The following ANK2 variants were observed in gnomAD, a reference collection of about 807,000 sequenced individuals.
ANK2 encodes ankyrin 2.
A neutral mutation model predicts 360.5 loss-of-function variants in ANK2; 83 were observed. The observed-to-expected ratio is 0.23, with a 90% CI of 0.19 to 0.28. The LOEUF (loss-of-function observed/expected upper bound fraction) is 0.28, where lower values mean the gene tolerates loss of function less well. Among genes scored for constraint, ANK2 ranks in the 10% least tolerant of loss-of-function variants. The pLI is 1.00. For synonymous variants in ANK2, 1,740 were observed against 1,759.5 expected, an observed-to-expected ratio of 0.99 and a Z score of 0.28; for missense variants, 4,201 against 4,795.7, an observed-to-expected ratio of 0.88 and a Z score of 3.66.
chr4:112,796,865 A>T, the ANK2 span, among the ~76,000 whole-genome samples: 11 of 152,234 alleles, frequency 7.2e-5, no homozygotes, highest in African/African-American at 2.7e-4. Flanking sequence ...ATTATTATAT[A>T]TCCAACTCTT....
chr4:112,886,834 A>G (rs954872339), intron 1 of ANK2, among the ~76,000 whole-genome samples: 12 of 152,348 alleles, frequency 7.9e-5, no homozygotes, highest in Admixed American at 4.6e-4. Context: ...CATGTTCACC[A>G]TATGATAAAA....
At chr4:113,268,268 C>A (rs112983133) in intron 14 of ANK2, among the ~76,000 whole-genome samples, 7,285 of 152,196 alleles carry the variant, frequency 0.048, 583 homozygotes, top group African/African-American at 0.17. Flanking sequence ...ATTGCCCTGG[C>A]TAGAACTTCC....
chr4:113,236,962 C>A (rs1334091163), intron 5 of ANK2, 25 bp from the exon 6 acceptor site: 4 of 1,612,752 alleles, frequency 2.5e-6, no homozygotes, highest in Non-Finnish European at 3.4e-6. Context: ...TGTTAACAGA[C>A]AATTTTTACC....
intron 1 of ANK2, among the ~76,000 whole-genome samples, chr4:113,162,287 C>T (rs1029650918): frequency 6.6e-6 from 1 of 151,960 alleles, no homozygotes. Flanking sequence ...TCATCACATG[C>T]TAGAGTGGTA....
At chr4:113,173,448 CT>C in intron 1 of ANK2, among the ~76,000 whole-genome samples, 1 of 152,246 alleles carries the variant, frequency 6.6e-6, no homozygotes, top group East Asian at 1.9e-4. Flanking sequence ...AATTGTGTCC[CT>C]TTTCATGCCT....
In ANK2 at chr4:113,353,684, G is replaced by C; in HGVS notation, c.5066G>C (p.Ser1689Thr). The change falls in exon 38 of 46, where the codon AGT becomes ACT. Residue 1689 changes from serine (S) to threonine (T), a missense_variant. Around this residue, in one of 4 missense-constraint regions of ANK2, gnomAD observed 2,642 missense variants for 2,714.5 expected, o/e 0.97. Transcript: ENST00000357077. ...GKDIPPDETQSTQKQHKPSLG... is the reference protein window; with the variant it reads ...GKDIPPDETQTTQKQHKPSLG... ...GACATACCCCCAGATGAGACACAGA[G>C]TACACAGAAACAGCACAAACCAAGC... The C allele has an allele frequency of 6.2e-7, 1 of 1,613,892 alleles. No individual in the cohort carries two copies.
chr4:113,224,129 C>T (rs2099186361), intron 4 of ANK2, among the ~76,000 whole-genome samples: 1 of 152,196 alleles, frequency 6.6e-6, no homozygotes, highest in African/African-American at 2.4e-5. Flanking sequence ...ACCATCAATT[C>T]TGCCATCATC....
intron 1 of ANK2, among the ~76,000 whole-genome samples, chr4:112,899,010 C>G (rs1212288464): frequency 2.0e-5 from 3 of 152,104 alleles, no homozygotes; most frequent in Non-Finnish European, 4.4e-5. Flanking sequence ...ATTTCTAACA[C>G]CTCACTTAGG....
chr4:113,131,033 A>G (rs997326106), intron 1 of ANK2, among the ~76,000 whole-genome samples: 4 of 152,204 alleles, frequency 2.6e-5, no homozygotes, highest in Non-Finnish European at 5.9e-5. Context: ...TACCATTTCT[A>G]TTTAAATGTT....
chr4:113,366,843 A>G (rs1363450890), intron 41 of ANK2, among the ~76,000 whole-genome samples: 2 of 152,178 alleles, frequency 1.3e-5, no homozygotes, highest in African/African-American at 4.8e-5. Flanking sequence ...TGGGGACGGA[A>G]GCTTTTTATA....
At chr4:113,136,761 CTTT>C (rs112865867) in intron 1 of ANK2, among the ~76,000 whole-genome samples, 1 of 139,752 alleles carries the variant, frequency 7.2e-6, no homozygotes. Context: ...AGGATTTTGG[CTTT>C]TTTTTTTTTT....
chr4:112,826,506 G>A (rs2058435809), intron 1 of ANK2: 2 of 1,210,746 alleles, frequency 1.7e-6, no homozygotes, highest in South Asian at 2.5e-5. Flanking sequence ...GACCACATCT[G>A]ACAAGCCTGT....
chr4:112,744,409 C>T, the ANK2 span, among the ~76,000 whole-genome samples: 2 of 149,970 alleles, frequency 1.3e-5, no homozygotes, highest in South Asian at 2.1e-4. Context: ...TGCAGTGGCA[C>T]GACCTCGGCT....
intron 2 of ANK2, among the ~76,000 whole-genome samples, chr4:113,036,278 C>G (rs1198707916): frequency 6.6e-6 from 1 of 150,876 alleles, no homozygotes; most frequent in African/African-American, 2.4e-5. Context: ...AGAAAATTAT[C>G]TAGGAGTTTA....
intron 1 of ANK2, among the ~76,000 whole-genome samples, chr4:113,153,014 T>G (rs72673439): frequency 0.05 from 7,581 of 152,296 alleles, 226 homozygotes; most frequent in Non-Finnish European, 0.075. Flanking sequence ...TGTGTAATAG[T>G]AGAGATTATA....
intron 1 of ANK2, among the ~76,000 whole-genome samples, chr4:113,072,767 C>CTTTTTTTTTTTTTTTTTTTTT (rs1253934277): frequency 3.7e-5 from 1 of 27,246 alleles, no homozygotes; most frequent in African/African-American, 9.2e-5. Context: ...TTTTTTTTTG[C>CTTTTTTTTTTTTTTTTTTTTT]TGTCTTGTCT....
At chr4:113,267,820 AATCT>A (rs1409458813) in intron 14 of ANK2, among the ~76,000 whole-genome samples, 5 of 152,162 alleles carry the variant, frequency 3.3e-5, no homozygotes, top group African/African-American at 1.2e-4. Flanking sequence ...GATAGCATTG[AATCT>A]ATAAATTTCT....
chr4:112,848,541 C>T (rs962372780), intron 1 of ANK2, among the ~76,000 whole-genome samples: 1 of 152,228 alleles, frequency 6.6e-6, no homozygotes, highest in Non-Finnish European at 1.5e-5. Flanking sequence ...CCTTCCTTCT[C>T]CTTCTCAAAC....
At chr4:113,159,923 A>G (rs1254107534) in intron 1 of ANK2, among the ~76,000 whole-genome samples, 2 of 152,074 alleles carry the variant, frequency 1.3e-5, no homozygotes, top group African/African-American at 4.8e-5. Context: ...CACCTGGCCT[A>G]TAGTTTATTT....
Sources: gnomAD v4.1 joint callset for allele counts (sites outside exome capture counted in the v4.1 genomes callset) on GRCh38, gnomAD v4.1.1 for gene constraint, gnomAD v4.1.1 regional missense constraint, MANE v1.5 for transcripts, NCBI Gene and HGNC (gene_info 2026-07-23, HGNC 2026-07-21) for gene names.